KCNMA1: variants seen among roughly 807,000 people sequenced by gnomAD.
KCNMA1 encodes potassium calcium-activated channel subfamily M alpha 1, also known as Calcium-activated potassium channel subunit alpha-1.
Under a neutral mutation model 140.0 loss-of-function variants are expected in KCNMA1, and 29 were observed. That is an observed-to-expected ratio of 0.21 (90% CI 0.15 to 0.28). KCNMA1 has a LOEUF of 0.28. Among genes scored for constraint, KCNMA1 ranks in the 10% least tolerant of loss-of-function variants. The pLI, the probability that KCNMA1 is intolerant of heterozygous loss-of-function variation, is 1.00. For synonymous variants in KCNMA1, 612 were observed against 611.9 expected, an observed-to-expected ratio of 1.00 and a Z score of 0.00; for missense variants, 880 against 1,602.2, an observed-to-expected ratio of 0.55 and a Z score of 7.70.
intron 2 of KCNMA1, among the ~76,000 whole-genome samples, chr10:77,277,415 T>C (rs1159945850): frequency 6.6e-6 from 1 of 152,186 alleles, no homozygotes; most frequent in African/African-American, 2.4e-5. Context: ...GATGCATTTT[T>C]AAAACTTCCG....
chr10:77,050,680 G>A (rs1379485249), intron 14 of KCNMA1, among the ~76,000 whole-genome samples: 1 of 152,200 alleles, frequency 6.6e-6, no homozygotes, highest in Non-Finnish European at 1.5e-5. Flanking sequence ...TGACACTGAT[G>A]CTTCCCCTAT....
intron 15 of KCNMA1, among the ~76,000 whole-genome samples, chr10:77,033,215 G>A (rs1202731072): frequency 6.6e-6 from 1 of 152,120 alleles, no homozygotes. Context: ...ACATTCAGGA[G>A]CTTTAATTTA....
At chr10:77,314,699 G>A (rs1180579721) in intron 2 of KCNMA1, among the ~76,000 whole-genome samples, 1 of 152,056 alleles carries the variant, frequency 6.6e-6, no homozygotes, top group African/African-American at 2.4e-5. Flanking sequence ...GATGGCTGAG[G>A]TGAACCCATG....
chr10:77,185,414 A>T (rs763640753), intron 3 of KCNMA1, among the ~76,000 whole-genome samples: 22 of 152,030 alleles, frequency 1.4e-4, no homozygotes, highest in Non-Finnish European at 2.1e-4. Context: ...CCATTAGTTG[A>T]TTAATAAATT....
At chr10:77,547,264 T>C (rs1345485453) in intron 1 of KCNMA1, among the ~76,000 whole-genome samples, 3 of 152,220 alleles carry the variant, frequency 2.0e-5, no homozygotes, top group African/African-American at 4.8e-5. Flanking sequence ...ACTTTCAAGC[T>C]GCTGAAGGCT....
downstream of KCNMA1, among the ~76,000 whole-genome samples, chr10:76,883,725 T>TTTTG (rs1346749187): frequency 7.4e-6 from 1 of 135,884 alleles, no homozygotes; most frequent in African/African-American, 3.5e-5. Context: ...TTCCTTGTTT[T>TTTTG]TTTTTTTTTT....
chr10:76,924,499 T>A (rs568120165), intron 23 of KCNMA1, among the ~76,000 whole-genome samples: 25 of 152,256 alleles, frequency 1.6e-4, no homozygotes, highest in East Asian at 9.7e-4. Context: ...ATGAAAAAAA[T>A]TTTTTAAATT....
intron 19 of KCNMA1, 67 bp downstream of exon 19, chr10:77,001,340 G>T: frequency 7.0e-7 from 1 of 1,430,522 alleles, no homozygotes. Context: ...ACAGGGCACA[G>T]CACAAGACAG....
intron 1 of KCNMA1, among the ~76,000 whole-genome samples, chr10:77,423,253 C>T (rs375408446): frequency 1.1e-4 from 16 of 152,212 alleles, no homozygotes; most frequent in African/African-American, 3.9e-4. Flanking sequence ...GGAGACTTGG[C>T]TTTGCCCTAT....
chr10:77,308,866 G>A (rs2154341346), intron 2 of KCNMA1, among the ~76,000 whole-genome samples: 1 of 152,242 alleles, frequency 6.6e-6, no homozygotes. Context: ...TTAACACTGA[G>A]CCCCTACCCA....
At chr10:77,231,549 T>C (rs867170898) in intron 3 of KCNMA1, among the ~76,000 whole-genome samples, 1 of 152,350 alleles carries the variant, frequency 6.6e-6, no homozygotes, top group African/African-American at 2.4e-5. Flanking sequence ...CTGCAGATTG[T>C]AACTGAAGCT....
intron 5 of KCNMA1, among the ~76,000 whole-genome samples, chr10:77,172,881 C>T (rs949097052): frequency 1.3e-5 from 2 of 152,102 alleles, no homozygotes; most frequent in African/African-American, 4.8e-5. Context: ...TTTTTCTCTG[C>T]TCCATAGATG....
At chr10:77,142,804 T>G (rs1470278742) in intron 5 of KCNMA1, among the ~76,000 whole-genome samples, 1 of 152,116 alleles carries the variant, frequency 6.6e-6, no homozygotes, top group African/African-American at 2.4e-5. Context: ...ATATTATGTC[T>G]CCAAAACTTG....
chr10:77,589,192 G>T (rs1291643166), intron 1 of KCNMA1, among the ~76,000 whole-genome samples: 1 of 152,150 alleles, frequency 6.6e-6, no homozygotes, highest in East Asian at 1.9e-4. Flanking sequence ...AACAAGAGAG[G>T]TGTGTTATAA....
intron 21 of KCNMA1, among the ~76,000 whole-genome samples, chr10:76,950,792 A>T (rs1352004348): frequency 6.6e-6 from 1 of 152,228 alleles, no homozygotes; most frequent in Non-Finnish European, 1.5e-5. Flanking sequence ...ATTAGAATAA[A>T]GCAGGGGCTG....
At chr10:76,959,933 CAGGTGGCACAGCCAGTGAG>C (rs1215296770) in intron 20 of KCNMA1, among the ~76,000 whole-genome samples, 1 of 152,164 alleles carries the variant, frequency 6.6e-6, no homozygotes, top group Admixed American at 6.5e-5. Flanking sequence ...GTAACATGCT[CAGGTGGCACAGCCAGTGAG>C]AGGAGAGGCA....
At chr10:77,134,988 ACT>A (rs1315908019) in intron 5 of KCNMA1, among the ~76,000 whole-genome samples, 1 of 115,144 alleles carries the variant, frequency 8.7e-6, no homozygotes, top group Non-Finnish European at 1.8e-5. Context: ...ACAGAGCAAG[ACT>A]CTGTCTCAAA....
intron 1 of KCNMA1, among the ~76,000 whole-genome samples, chr10:77,467,677 G>A (rs994380125): frequency 2.0e-5 from 3 of 152,218 alleles, no homozygotes; most frequent in African/African-American, 7.2e-5. Flanking sequence ...CTTGAGAGAG[G>A]ACAGTGGTCA....
chr10:77,111,223 T>C (rs2097313806), intron 7 of KCNMA1, among the ~76,000 whole-genome samples: 1 of 152,178 alleles, frequency 6.6e-6, no homozygotes, highest in African/African-American at 2.4e-5. Context: ...GAGAGGGAGC[T>C]GCGGGCCCAA....
Sources: gnomAD v4.1 joint callset for allele counts (sites outside exome capture counted in the v4.1 genomes callset) on GRCh38, gnomAD v4.1.1 for gene constraint, MANE v1.5 for transcripts, NCBI Gene and HGNC (gene_info 2026-07-23, HGNC 2026-07-21) for gene names.